The following SEMA5A variants were observed in gnomAD, a reference collection of about 807,000 sequenced individuals.
SEMA5A encodes the protein semaphorin-5A.
Under a neutral mutation model 135.5 loss-of-function variants are expected in SEMA5A, and 55 were observed. The observed-to-expected ratio is 0.41, with a 90% CI of 0.33 to 0.51. The LOEUF is 0.51. SEMA5A is among the 20% of genes least tolerant of loss of function. SEMA5A has a pLI of 0.37. For synonymous variants in SEMA5A, 580 were observed against 546.5 expected (o/e 1.06, Z -0.85); for missense variants, 1,290 against 1,419.9 (o/e 0.91, Z 1.47).
In SEMA5A at chr5:9,108,201, C is replaced by A; in HGVS notation, c.2012G>T (p.Gly671Val). 1.9e-6 allele frequency: 3 copies of A among 1,613,996 alleles called. No individual in the cohort carries two copies. The highest frequency in any genetic ancestry group is 4.5e-5 in the East Asian group (2 of 44,886). The part of the protein sequence containing the change: ...PWERCTAQCG[G>V]GIQARRRICE... ...GATCCTGCGGCGAGCTTGAATGCCA[C>A]CCCCGCATTGGGCTGTGCACCGTTC... Residue 671 changes from glycine (G) to valine (V), a missense_variant, in exon 16 of 23, where the codon GGT (glycine) becomes GTT (valine). Gly to Val is a moderately radical substitution (Grantham distance 109, BLOSUM62 -3). Transcript: ENST00000382496.
intron 2 of SEMA5A, chr5:9,380,310 C>CCTAA (rs1233885325): frequency 5.2e-6 from 1 of 192,618 alleles, no homozygotes; most frequent in African/African-American, 2.3e-5. Flanking sequence ...GCTGTACTGT[C>CCTAA]GTCACACTCA....
intron 1 of SEMA5A, among the ~76,000 whole-genome samples, chr5:9,511,041 C>A (rs1365625836): frequency 6.6e-6 from 1 of 152,106 alleles, no homozygotes; most frequent in East Asian, 1.9e-4. Context: ...CACTGTGTTT[C>A]CTGATATCTA....
At chr5:9,515,279 A>G (rs1037102010) in intron 1 of SEMA5A, among the ~76,000 whole-genome samples, 11 of 152,210 alleles carry the variant, frequency 7.2e-5, no homozygotes, top group Non-Finnish European at 1.2e-4. Flanking sequence ...TTCAAAATTT[A>G]AAGTACAGCT....
chr5:9,230,069 C>T (rs1333703668), intron 6 of SEMA5A, among the ~76,000 whole-genome samples: 2 of 151,726 alleles, frequency 1.3e-5, no homozygotes, highest in African/African-American at 4.8e-5. Context: ...ACTGCAGCCT[C>T]GACCACTTGG....
intron 9 of SEMA5A, among the ~76,000 whole-genome samples, chr5:9,197,730 G>GTA (rs1554001547): frequency 0.48 from 48,433 of 100,830 alleles, 10,104 homozygotes; most frequent in Non-Finnish European, 0.56. Flanking sequence ...AAAGCTGTTT[G>GTA]TGTGTGTGTG....
chr5:9,385,838 G>A (rs1755863858), intron 2 of SEMA5A, among the ~76,000 whole-genome samples: 1 of 114,744 alleles, frequency 8.7e-6, no homozygotes, highest in Admixed American at 1.2e-4. Context: ...GTCTAGTTCT[G>A]TTGCCCAAGC....
At position 9,361,145 on chromosome 5, in the gene SEMA5A, G is replaced by A. The variant is rs138716042; in HGVS notation, c.124+18678C>T. Among the ~76,000 whole-genome samples, 1,303 of 151,828 alleles carry A rather than the reference G, an allele frequency of 8.6e-3. 26 individuals carry two copies. The highest frequency in any genetic ancestry group is 0.03 in the African/African-American group (1,241 of 41,416). On this transcript the variant is annotated intron_variant, in intron 3 of 22. Transcript: ENST00000382496. ...AAAACGCTGTCTCTACTAAAAATAC[G>A]AAAATTAGCCGGGCAAGTTGGTGGG... is the stretch of plus-strand genomic sequence containing the variant.
chr5:9,328,784 C>A (rs931416563), intron 4 of SEMA5A, among the ~76,000 whole-genome samples: 1 of 152,034 alleles, frequency 6.6e-6, no homozygotes, highest in Non-Finnish European at 1.5e-5. Flanking sequence ...TGCTCTCTCT[C>A]ACAAAAAAGA....
At chr5:9,523,120 C>T (rs986377948) in intron 1 of SEMA5A, 1 of 152,098 alleles carries the variant, frequency 6.6e-6, no homozygotes, top group Non-Finnish European at 1.5e-5. Flanking sequence ...ATTAACTCAT[C>T]CAGTCAAGAG....
chr5:9,253,757 A>G (rs1805950), intron 5 of SEMA5A, among the ~76,000 whole-genome samples: 57,810 of 151,978 alleles, frequency 0.38, 11,290 homozygotes, highest in East Asian at 0.48. Context: ...AGAAACCTGA[A>G]TCTGGTTATT....
chr5:9,241,085 A>G (rs1386421479), intron 5 of SEMA5A, among the ~76,000 whole-genome samples: 1 of 152,150 alleles, frequency 6.6e-6, no homozygotes, highest in Non-Finnish European at 1.5e-5. Context: ...CAGCAGACAT[A>G]TAGCAGTAAT....
chr5:9,197,728 T>TTGTATGCGTG (rs778921009), intron 9 of SEMA5A, among the ~76,000 whole-genome samples: 1 of 59,288 alleles, frequency 1.7e-5, no homozygotes, highest in African/African-American at 7.5e-5. Flanking sequence ...GGAAAGCTGT[T>TTGTATGCGTG]TGTGTGTGTG....
chr5:9,333,532 TC>T (rs1348095019), intron 4 of SEMA5A, among the ~76,000 whole-genome samples: 1 of 152,212 alleles, frequency 6.6e-6, no homozygotes, highest in Non-Finnish European at 1.5e-5. Context: ...GTAATCACCC[TC>T]CCTTGTATCT....
At chr5:9,285,714 C>A (rs1028115590) in intron 5 of SEMA5A, among the ~76,000 whole-genome samples, 25 of 152,292 alleles carry the variant, frequency 1.6e-4, no homozygotes, top group Admixed American at 1.4e-3. Context: ...AAGGACTGAT[C>A]TCAGGAGCAT....
intron 1 of SEMA5A, among the ~76,000 whole-genome samples, chr5:9,439,607 C>A (rs1758159898): frequency 6.6e-6 from 1 of 152,196 alleles, no homozygotes; most frequent in African/African-American, 2.4e-5. Context: ...AGCAAAACCA[C>A]ACCTGCAGAA....
Position 9,119,093 on chromosome 5 carries a change from G to A in SEMA5A, c.1830C>T (p.Thr610=). 8 of 1,613,948 alleles carry A rather than the reference G, an allele frequency of 5.0e-6. No homozygotes were observed. The highest frequency in any genetic ancestry group is 6.8e-6 in the Non-Finnish European group (8 of 1,179,982). ...GCCGCACCTGGAAGCCGATCCCACA[G>A]GTAGTGCTGCAGGGAGACCACGAGG... ...PWTSWSPCST[T]CGIGFQVRQR... The change falls in exon 15 of 23, where the codon ACC becomes ACT. Residue 610 remains threonine, a synonymous_variant. Coordinates refer to ENST00000382496, the MANE Select transcript of SEMA5A (RefSeq NM_003966.3).
At chr5:9,390,139 C>A (rs759210228) in intron 2 of SEMA5A, among the ~76,000 whole-genome samples, 4 of 152,192 alleles carry the variant, frequency 2.6e-5, no homozygotes, top group Non-Finnish European at 4.4e-5. Flanking sequence ...TTTTAAAATT[C>A]TCTTAACATC....
At chr5:9,310,233 A>C (rs930927083) in intron 5 of SEMA5A, among the ~76,000 whole-genome samples, 2 of 152,146 alleles carry the variant, frequency 1.3e-5, no homozygotes, top group African/African-American at 4.8e-5. Flanking sequence ...AACAGCAGCC[A>C]TAGATGTTAT....
At position 9,501,656 on chromosome 5, in the gene SEMA5A, G is replaced by A. The variant is rs117763759; in HGVS notation, c.-175+43928C>T. Among the ~76,000 whole-genome samples the A allele has an allele frequency of 6.6e-5, 10 of 152,228 alleles. No homozygotes were observed. In the East Asian group the frequency reaches 1.7e-3, roughly 26 times the overall value. On this transcript the variant is annotated intron_variant, in intron 1 of 22. Transcript: ENST00000382496. ...CTGGAATCCGGGCTCTGGGCTGCAG[G>A]GGCAGCAGCTGTTTACACCCTTTAA...
Sources: allele counts gnomAD v4.1 joint callset (sites outside exome capture counted in the v4.1 genomes callset), GRCh38; gene constraint gnomAD v4.1.1; transcripts MANE v1.5; gene names NCBI Gene and HGNC (gene_info 2026-07-23, HGNC 2026-07-21).